Variants in TTC39C observed in about 807,000 individuals in gnomAD.
TTC39C encodes tetratricopeptide repeat domain 39C.
In TTC39C, 33 loss-of-function variants were observed where a neutral mutation model predicts 76.3. The ratio of observed to expected loss-of-function variants is 0.43; its 90% confidence interval spans 0.33 to 0.58. TTC39C has a LOEUF of 0.58. TTC39C is among the 20% of genes least tolerant of loss of function. TTC39C has a pLI of 0.04. For missense variants in TTC39C, 595 were observed against 701.4 expected (o/e 0.85, Z 1.71); for synonymous variants, 254 against 260.6 (o/e 0.97, Z 0.24).
chr18:24,095,191 T>G (rs932190750), intron 6 of TTC39C, among the ~76,000 whole-genome samples: 4 of 152,218 alleles, frequency 2.6e-5, no homozygotes, highest in Non-Finnish European at 5.9e-5. Context: ...CTGCCAACCT[T>G]GGGCTTTTCT....
At chr18:24,060,123 C>T (rs1008222945) in intron 1 of TTC39C, among the ~76,000 whole-genome samples, 3 of 152,076 alleles carry the variant, frequency 2.0e-5, no homozygotes, top group Admixed American at 1.3e-4. Context: ...GTATTTCTGC[C>T]TCTAGGTCTT....
rs1026196825 is a variant in TTC39C at position 24,074,391 on chromosome 18, G to A, written c.460+5120G>A. ...CATGTGGGAGTTATTTATATCCTACGGTTCAAGGTCATTGCCAAGATCTGA... is the reference window on the plus strand; with the variant it reads ...CATGTGGGAGTTATTTATATCCTACAGTTCAAGGTCATTGCCAAGATCTGA... On this transcript the variant is annotated intron_variant, in intron 4 of 13. Coordinates refer to ENST00000317571, the MANE Select transcript of TTC39C (RefSeq NM_001135993.2). Among the ~76,000 whole-genome samples the A allele has an allele frequency of 4.6e-5, 7 of 152,212 alleles. No individual in the cohort carries two copies. In the South Asian group the frequency reaches 6.2e-4, roughly 14 times the overall value.
At chr18:24,021,270 C>T (rs1305452855) in intron 1 of TTC39C, among the ~76,000 whole-genome samples, 2 of 152,142 alleles carry the variant, frequency 1.3e-5, no homozygotes, top group Admixed American at 1.3e-4. Context: ...GGTCCCTGTC[C>T]TACACAGCAC....
At chr18:24,003,109 C>T (rs867051600) in intron 1 of TTC39C, among the ~76,000 whole-genome samples, 2 of 152,166 alleles carry the variant, frequency 1.3e-5, no homozygotes, top group Non-Finnish European at 2.9e-5. Flanking sequence ...TCTCCTGCCT[C>T]GTCTCTGGCC....
In TTC39C at chr18:24,024,947, C is replaced by T. The variant is rs144882482; in HGVS notation, c.167+9909C>T. Reference sequence around the variant, plus strand: ...GCAGTGGCATGATCTCAGCTCACTGCAACCTCCAACTCCTGGGTTCAGGCG... The same window carrying T: ...GCAGTGGCATGATCTCAGCTCACTGTAACCTCCAACTCCTGGGTTCAGGCG... On this transcript the variant is annotated intron_variant, in intron 1 of 13. Transcript: ENST00000317571. Among the ~76,000 whole-genome samples the T allele has an allele frequency of 7.9e-5, 12 of 152,316 alleles. No individual in the cohort carries two copies. In the East Asian group the frequency reaches 2.1e-3, roughly 27 times the overall value.
chr18:24,022,455 G>A (rs1027482137), intron 1 of TTC39C: 3 of 547,000 alleles, frequency 5.5e-6, no homozygotes, highest in Non-Finnish European at 7.0e-6. Flanking sequence ...GGGTCTCGCA[G>A]CAGTAGTGGG....
intron 2 of TTC39C, among the ~76,000 whole-genome samples, chr18:24,064,486 A>T (rs1896004860): frequency 6.6e-6 from 1 of 152,232 alleles, no homozygotes; most frequent in South Asian, 2.1e-4. Context: ...GTAGAAAAAA[A>T]GTCTGGGTTT....
At chr18:24,057,258 C>T (rs57238854) in intron 1 of TTC39C, among the ~76,000 whole-genome samples, 3,034 of 151,722 alleles carry the variant, frequency 0.02, 83 homozygotes, top group African/African-American at 0.069. Flanking sequence ...CATTACACAC[C>T]GAAAAAAAGA....
Position 24,131,909 on chromosome 18 carries a change from C to T in TTC39C, c.1651C>T (p.Leu551Phe). 6.2e-7 allele frequency: 1 copy of T among 1,613,340 alleles called. No individual in the cohort carries two copies. The highest frequency in any genetic ancestry group is 8.5e-7 in the Non-Finnish European group (1 of 1,179,738). The stretch of plus-strand genomic sequence containing the variant: ...TGTAGGAAGAGGCAGAGCTCTACTT[C>T]TTCAAGCAAAGGTAAATATCCTGAA... ...ETVGRGRALLLQAKEDFSGYD... is the reference protein window; with the variant it reads ...ETVGRGRALLFQAKEDFSGYD... The change falls in exon 13 of 14, where the codon CTT becomes TTT. Residue 551 changes from leucine (L) to phenylalanine (F), a missense_variant. By Grantham distance (22) the Leu-to-Phe change is conservative. Coordinates refer to ENST00000317571, the MANE Select transcript of TTC39C (RefSeq NM_001135993.2).
At chr18:24,127,454 AACCTTTCCCCACCC>A (rs1374662048) in intron 10 of TTC39C, among the ~76,000 whole-genome samples, 1 of 152,102 alleles carries the variant, frequency 6.6e-6, no homozygotes, top group African/African-American at 2.4e-5. Flanking sequence ...TTTCATCCAT[AACCTTTCCCCACCC>A]ACCTGCCCTT....
upstream of TTC39C, among the ~76,000 whole-genome samples, chr18:24,014,104 G>C (rs896117573): frequency 1.3e-5 from 2 of 152,228 alleles, no homozygotes; most frequent in African/African-American, 4.8e-5. Flanking sequence ...CCGGGGAGCT[G>C]CGGGGCAGGT....
intron 1 of TTC39C, among the ~76,000 whole-genome samples, chr18:24,024,972 G>A (rs28580189): frequency 0.029 from 4,485 of 152,222 alleles, 233 homozygotes; most frequent in African/African-American, 0.1. Flanking sequence ...GGGTTCAGGC[G>A]ATTCTCGTGC....
At chr18:24,036,157 A>C (rs1356081206) in intron 1 of TTC39C, among the ~76,000 whole-genome samples, 1 of 152,212 alleles carries the variant, frequency 6.6e-6, no homozygotes, top group Non-Finnish European at 1.5e-5. Context: ...TTGAAATCAG[A>C]AAGTGTGAGA....
intron 3 of TTC39C, among the ~76,000 whole-genome samples, chr18:24,067,443 G>A (rs115820841): frequency 0.017 from 2,571 of 152,252 alleles, 79 homozygotes; most frequent in African/African-American, 0.058. Flanking sequence ...TGGTCTATGG[G>A]CTGTTAGGAA....
rs780990322 is a variant in TTC39C, at chr18:24,132,595, C to T, written c.*21C>T. On this transcript the variant is annotated 3_prime_UTR_variant, in exon 14 of 14. Transcript: ENST00000317571. ...AGTGACAGACCCGGAACACCCGCTC[C>T]GTCCCTCCCCACCCAGGGTCCGCAC... is the stretch of plus-strand genomic sequence containing the variant. The T allele has an allele frequency of 9.4e-6, 15 of 1,598,992 alleles. No homozygotes were observed. The highest frequency in any genetic ancestry group is 9.0e-5 in the East Asian group (4 of 44,454).
intron 6 of TTC39C, among the ~76,000 whole-genome samples, chr18:24,098,523 GTCCCC>G (rs1189197131): frequency 0.37 from 7,918 of 21,428 alleles, 1,156 homozygotes; most frequent in Middle Eastern, 0.55. Flanking sequence ...CTCCCCTCCC[GTCCCC>G]TCCCCTCCCC....
intron 1 of TTC39C, among the ~76,000 whole-genome samples, chr18:24,007,107 A>C (rs1599227088): frequency 6.6e-6 from 1 of 152,236 alleles, no homozygotes; most frequent in Admixed American, 6.5e-5. Context: ...CGTGGCACAG[A>C]GTTCTGGGTT....
At chr18:24,110,140 T>G (rs1169254749) in intron 6 of TTC39C, among the ~76,000 whole-genome samples, 2 of 152,224 alleles carry the variant, frequency 1.3e-5, no homozygotes, top group Admixed American at 1.3e-4. Context: ...AGGTAATATG[T>G]TCCTGTTATT....
intron 6 of TTC39C, among the ~76,000 whole-genome samples, chr18:24,092,241 G>C (rs2084531983): frequency 1.3e-5 from 2 of 151,590 alleles, no homozygotes; most frequent in Non-Finnish European, 2.9e-5. Flanking sequence ...CACCCACCAA[G>C]CTAACTACAG....
Sources: gnomAD v4.1 joint callset for allele counts (sites outside exome capture counted in the v4.1 genomes callset) on GRCh38, gnomAD v4.1.1 for gene constraint, MANE v1.5 for transcripts, NCBI Gene and HGNC (gene_info 2026-07-23, HGNC 2026-07-21) for gene names.